MINAR1: variants seen among roughly 807,000 people sequenced by gnomAD.
The protein encoded by MINAR1 is membrane integral NOTCH2 associated receptor 1.
A neutral mutation model predicts 65.1 loss-of-function variants in MINAR1; 40 were observed. That is an observed-to-expected ratio of 0.61 (90% confidence interval 0.48 to 0.80). The LOEUF (loss-of-function observed/expected upper bound fraction) is 0.80. Among genes scored for constraint, MINAR1 ranks in the 30% least tolerant of loss-of-function variants. The pLI is 0.00. For missense variants in MINAR1, 1,128 were observed against 1,148.0 expected (o/e 0.98, Z 0.25); for synonymous variants, 482 against 449.1 (o/e 1.07, Z -0.93).
At chr15:79,432,807 A>C (rs1427292583) in intron 1 of MINAR1, among the ~76,000 whole-genome samples, 1 of 152,096 alleles carries the variant, frequency 6.6e-6, no homozygotes, top group Non-Finnish European at 1.5e-5. Context: ...CAGAGCAGGG[A>C]TTCGGGAAGA....
chr15:79,452,151 ATG>A (rs1187540475), intron 1 of MINAR1, among the ~76,000 whole-genome samples: 5 of 152,020 alleles, frequency 3.3e-5, no homozygotes, highest in Admixed American at 6.6e-5. Context: ...GCGACAGCGT[ATG>A]TGTGTGCAGC....
upstream of MINAR1, among the ~76,000 whole-genome samples, chr15:79,428,514 T>C: frequency 7.7e-6 from 1 of 129,406 alleles, no homozygotes; most frequent in Admixed American, 8.5e-5. Flanking sequence ...CCTCCTTCCC[T>C]CCTTCCCTCC....
chr15:79,447,371 T>C (rs1816697243), intron 1 of MINAR1, among the ~76,000 whole-genome samples: 1 of 152,200 alleles, frequency 6.6e-6, no homozygotes. Context: ...TGTATGTACT[T>C]TTTTCATAGT....
chr15:79,424,739 C>T, the MINAR1 span: 1 of 152,220 alleles, frequency 6.6e-6, no homozygotes, highest in African/African-American at 2.4e-5. Context: ...ATCGAACTCA[C>T]TTGGCAAATA....
chr15:79,461,734 C>T (rs543281235), intron 2 of MINAR1, among the ~76,000 whole-genome samples: 2 of 152,176 alleles, frequency 1.3e-5, no homozygotes, highest in South Asian at 2.1e-4. Flanking sequence ...GTTTCCAGTC[C>T]CCATGCAGGT....
intron 1 of MINAR1, among the ~76,000 whole-genome samples, chr15:79,453,046 A>C (rs948619306): frequency 7.2e-6 from 1 of 138,116 alleles, no homozygotes; most frequent in South Asian, 2.4e-4. Context: ...CCAGGCGGCT[A>C]TTTCTGCCTT....
At chr15:79,461,013 C>T (rs976851676) in intron 2 of MINAR1, among the ~76,000 whole-genome samples, 5 of 152,218 alleles carry the variant, frequency 3.3e-5, no homozygotes, top group Admixed American at 1.3e-4. Context: ...CCTATGCTCC[C>T]GTCAAGGCCC....
rs777064928 is a variant in MINAR1 at position 79,463,070 on chromosome 15, G to C, written c.2302G>C (p.Asp768His). The change falls in exon 3 of 4, where the codon GAC becomes CAC. Residue 768 changes from aspartate to histidine, a missense_variant. By Grantham distance (81) the Asp-to-His change is moderately conservative. Coordinates refer to ENST00000305428, the MANE Select transcript of MINAR1 (RefSeq NM_015206.3). ...ACTTCTTTGTGCCCCTCTGCAGGCA[G>C]ACAGGCAGTACGACATTCCCCCACA... ...KDWHRKSKEA[D>H]RQYDIPPQHR... 4.3e-6 allele frequency: 7 copies of C among 1,610,474 alleles called. No individual in the cohort carries two copies. The highest frequency in any genetic ancestry group is 1.7e-5 in the Admixed American group (1 of 59,874).
chr15:79,470,422 C>A lies in MINAR1; in HGVS notation c.*2038C>A, dbSNP rs527279702. ...GATAGGTAGCTCCCAACCTCTTGCT[C>A]TGGATTTGCAGAAGAGGGGGAGATG... On this transcript the variant is annotated 3_prime_UTR_variant, in exon 4 of 4. Coordinates refer to ENST00000305428, the MANE Select transcript of MINAR1 (RefSeq NM_015206.3). The A allele has an allele frequency of 6.6e-6, 1 of 152,272 alleles. No individual in the cohort carries two copies. Among genetic ancestry groups the A allele is most frequent in the South Asian group, 2.1e-4 (1 of 4,818 alleles). The allele number at this position is 152,272 out of a possible 1,614,324, so 9.4% of individuals were successfully genotyped here.
chr15:79,436,798 A>G (rs1894610911), intron 1 of MINAR1, among the ~76,000 whole-genome samples: 1 of 152,230 alleles, frequency 6.6e-6, no homozygotes, highest in African/African-American at 2.4e-5. Context: ...CCCTTAGCCA[A>G]TGGGAGCTCA....
At chr15:79,424,938 T>A in the MINAR1 span, 1 of 152,216 alleles carries the variant, frequency 6.6e-6, no homozygotes, top group African/African-American at 2.4e-5. Flanking sequence ...TCAACACTCA[T>A]GTTTCAACAA....
rs766073576 is a variant in MINAR1, at chr15:79,457,124, C to G, written c.977C>G (p.Ala326Gly). ...TCCCCGGTTCCTGACAAAAGGCGAG[C>G]AAAGCACGAAAGCTTAGATGACCTT... ...VYSPVPDKRR[A>G]KHESLDDLQA... is the part of the protein sequence containing the mutation. The change falls in exon 2 of 4, where the codon GCA (alanine) becomes GGA (glycine). Residue 326 changes from alanine to glycine, a missense_variant. Coordinates refer to ENST00000305428, the MANE Select transcript of MINAR1 (RefSeq NM_015206.3). 1.9e-6 allele frequency: 3 copies of G among 1,614,020 alleles called. No individual in the cohort carries two copies. The East Asian group carries it at 6.7e-5, about 36-fold the overall frequency.
the MINAR1 span, chr15:79,421,463 C>A: frequency 6.6e-6 from 1 of 152,390 alleles, no homozygotes; most frequent in Non-Finnish European, 1.5e-5. Flanking sequence ...CTGCACCTAC[C>A]TGAAACCTGT....
At chr15:79,461,033 T>A (rs1895625123) in intron 2 of MINAR1, among the ~76,000 whole-genome samples, 2 of 152,252 alleles carry the variant, frequency 1.3e-5, no homozygotes, top group Non-Finnish European at 2.9e-5. Flanking sequence ...CCTTACTTCA[T>A]AAGTCTCTGT....
At chr15:79,426,674 G>A in the MINAR1 span, 1 of 152,340 alleles carries the variant, frequency 6.6e-6, no homozygotes, top group African/African-American at 2.4e-5. Context: ...GGGGACCATG[G>A]GTACTGCTAT....
At chr15:79,465,771 G>T (rs1366435544) in intron 3 of MINAR1, among the ~76,000 whole-genome samples, 1 of 151,924 alleles carries the variant, frequency 6.6e-6, no homozygotes, top group Admixed American at 6.5e-5. Flanking sequence ...GAGGGCTGCT[G>T]GTCTGACCCC....
intron 1 of MINAR1, among the ~76,000 whole-genome samples, chr15:79,455,624 A>C (rs1490834695): frequency 6.6e-6 from 1 of 152,338 alleles, no homozygotes; most frequent in East Asian, 1.9e-4. Flanking sequence ...GGAATCATGC[A>C]GTGGAGGATG....
intron 1 of MINAR1, among the ~76,000 whole-genome samples, chr15:79,454,905 G>A (rs1895357224): frequency 1.4e-5 from 2 of 138,090 alleles, no homozygotes; most frequent in Admixed American, 1.5e-4. Context: ...GAACTTCATT[G>A]TACGTACATT....
At chr15:79,428,798 T>C (rs1567046165), upstream of MINAR1, among the ~76,000 whole-genome samples, 5 of 152,176 alleles carry the variant, frequency 3.3e-5, no homozygotes. Context: ...TCAATACATC[T>C]AAAATGTACC....
Sources: allele counts gnomAD v4.1 joint callset (sites outside exome capture counted in the v4.1 genomes callset), GRCh38; gene constraint gnomAD v4.1.1; transcripts MANE v1.5; gene names NCBI Gene and HGNC (gene_info 2026-07-23, HGNC 2026-07-21).